Variants in CAPG observed in about 807,000 individuals in gnomAD.
CAPG encodes the protein capping actin protein, gelsolin like.
A neutral mutation model predicts 44.6 loss-of-function variants in CAPG; 32 were observed. The ratio of observed to expected loss-of-function variants is 0.72; its 90% CI spans 0.54 to 0.96. The LOEUF is 0.96. CAPG is among the 50% of genes least tolerant of loss of function. The pLI is 0.00. For synonymous variants in CAPG, 175 were observed against 179.6 expected (o/e 0.97, Z 0.20); for missense variants, 412 against 438.3 (o/e 0.94, Z 0.54).
intron 1 of CAPG, among the ~76,000 whole-genome samples, chr2:85,405,370 C>T (rs1197368923): frequency 6.6e-6 from 1 of 152,134 alleles, no homozygotes; most frequent in African/African-American, 2.4e-5. Context: ...GCACTTCGTA[C>T]ATAATACAAT....
At position 85,403,355 on chromosome 2, in the gene CAPG, A is replaced by G. The variant is rs1156386984; in HGVS notation, c.-13-1197T>C. 5.3e-5 allele frequency among the ~76,000 whole-genome samples: 8 copies of G among 152,322 alleles called. No homozygotes were observed. The South Asian group carries it at 1.7e-3, about 32-fold the overall frequency. On this transcript the variant is annotated intron_variant, in intron 1 of 9. Transcript: ENST00000263867. The stretch of plus-strand genomic sequence containing the variant: ...CTATTAAAGAAAATAAATTTGTAGT[A>G]AAAAACTCGTTCCCCCGCCAAAAAA...
rs747959033 is a variant in CAPG, at chr2:85,402,121, AC to A, written c.23+1del. The A allele has an allele frequency of 5.0e-6, 8 of 1,608,390 alleles. No individual in the cohort carries two copies. Among genetic ancestry groups the A allele is most frequent in the Non-Finnish European group, 6.8e-6 (8 of 1,177,020 alleles). Reference sequence around the variant, plus strand: ...TGAAAGGAGATGGGGCATGCAGCTTACCTCTGGGGAATGGCTGTGTACATGC... The same window carrying A: ...TGAAAGGAGATGGGGCATGCAGCTTACTCTGGGGAATGGCTGTGTACATGC... On this transcript the variant is annotated splice_donor_variant, in intron 2 of 9. Transcript: ENST00000263867. LOFTEE classifies it high-confidence loss of function.
At chr2:85,402,085 A>C in intron 2 of CAPG, 38 bp downstream of exon 2, 2 of 1,611,420 alleles carry the variant, frequency 1.2e-6, no homozygotes, top group East Asian at 2.2e-5. Context: ...GAGGTAAAGA[A>C]GGGGAAGTTG....
intron 5 of CAPG, among the ~76,000 whole-genome samples, chr2:85,400,083 C>CCTATGTCTCCTAT: frequency 6.6e-6 from 1 of 152,290 alleles, no homozygotes; most frequent in South Asian, 2.1e-4. Flanking sequence ...TATGTTTAAA[C>CCTATGTCTCCTAT]GTCTCTTAAC....
intron 1 of CAPG, among the ~76,000 whole-genome samples, chr2:85,402,793 CAG>C (rs1686965570): frequency 7.1e-6 from 1 of 141,526 alleles, no homozygotes; most frequent in African/African-American, 2.7e-5. Flanking sequence ...TTTTTGGAGA[CAG>C]AGTCTCACTC....
intron 8 of CAPG, 89 bp downstream of exon 8, chr2:85,397,931 C>G (rs1319200470): frequency 7.5e-7 from 1 of 1,327,336 alleles, no homozygotes; most frequent in Non-Finnish European, 1.1e-6. Context: ...CTTTTACAAG[C>G]AGCTAGACAG....
In CAPG at chr2:85,395,562, G is replaced by A; in HGVS notation, c.957C>T (p.Arg319=). 1 of 1,613,840 alleles carries A rather than the reference G, an allele frequency of 6.2e-7. No individual in the cohort carries two copies. The highest frequency in any genetic ancestry group is 8.5e-7 in the Non-Finnish European group (1 of 1,179,862). The change falls in exon 9 of 10, where the codon CGC becomes CGT. Residue 319 remains arginine, a synonymous_variant. Coordinates refer to ENST00000263867, the MANE Select transcript of CAPG (RefSeq NM_001747.4). This position sits in a 1 kb window ranked among gnomAD's most constrained non-coding sequence, Gnocchi z 4.3. ...CCTGAGTGTTCGGGGCGTACTGCAT[G>A]CGCGAGATGAAGCCCTCGGCCACCT... ...ALQVAEGFIS[R]MQYAPNTQVE...
chr2:85,398,514 C>T (rs1392247851), intron 7 of CAPG, among the ~76,000 whole-genome samples, 176 bp downstream of exon 7: 2 of 152,316 alleles, frequency 1.3e-5, no homozygotes, highest in Middle Eastern at 6.8e-3. Context: ...GCCTGCCTTC[C>T]GCCCACTCCC....
chr2:85,412,241 G>A (rs189750681), upstream of CAPG, among the ~76,000 whole-genome samples: 1,336 of 152,164 alleles, frequency 8.8e-3, 9 homozygotes, highest in Non-Finnish European at 0.014. Context: ...GGCCGGGCGC[G>A]GTGGCTCACG....
At position 85,401,838 on chromosome 2, in the gene CAPG, T is replaced by C; in HGVS notation, c.143A>G (p.Tyr48Cys). 1.9e-6 allele frequency: 3 copies of C among 1,613,722 alleles called. No individual in the cohort carries two copies. Among genetic ancestry groups the C allele is most frequent in the Non-Finnish European group, 2.5e-6 (3 of 1,179,928 alleles). Residue 48 changes from tyrosine to cysteine, a missense_variant, in exon 3 of 10, where the codon TAC (tyrosine) becomes TGC (cysteine). By Grantham distance (194) the Tyr-to-Cys change is radical. Transcript: ENST00000263867. ...TTCTGGGCCATTGTGCAGCACTAGG[T>C]AGGAGTCCCCCGAGAAGAAGACGCC... ...NQGVFFSGDS[Y>C]LVLHNGPEEV...
rs755895658 is a variant in CAPG, at chr2:85,395,559, C to CAT, written c.958_959dup (p.Met320IlefsTer66). ...TCACCTGAGTGTTCGGGGCGTACTG[C>CAT]ATGCGCGAGATGAAGCCCTCGGCCA... is the stretch of plus-strand genomic sequence containing the variant. On this transcript the variant is annotated frameshift_variant, in exon 9 of 10. Coordinates refer to ENST00000263867, the MANE Select transcript of CAPG (RefSeq NM_001747.4). LOFTEE classifies it high-confidence loss of function. This position sits in a 1 kb window ranked among gnomAD's most constrained non-coding sequence, Gnocchi z 4.3. 2.0e-5 allele frequency: 33 copies of CAT among 1,613,902 alleles called. No homozygotes were observed. The South Asian group carries it at 3.3e-4, about 16-fold the overall frequency.
intron 4 of CAPG, 58 bp from the exon 5 acceptor site, chr2:85,401,387 C>A: frequency 6.3e-7 from 1 of 1,586,150 alleles, no homozygotes; most frequent in Non-Finnish European, 8.6e-7. Flanking sequence ...CCCTCTGCAC[C>A]CCATCCCACT....
At chr2:85,393,368 A>C (rs1686456517), downstream of CAPG, among the ~76,000 whole-genome samples, 1 of 152,010 alleles carries the variant, frequency 6.6e-6, no homozygotes, top group African/African-American at 2.4e-5. Flanking sequence ...ATTTATAGGG[A>C]AAGGGGCTAG....
chr2:85,405,424 C>T (rs1269560300), intron 1 of CAPG, among the ~76,000 whole-genome samples: 1 of 151,832 alleles, frequency 6.6e-6, no homozygotes, highest in Non-Finnish European at 1.5e-5. Context: ...TAAGATGAGC[C>T]CCAGTGGCAC....
intron 1 of CAPG, among the ~76,000 whole-genome samples, chr2:85,417,911 T>A (rs1365727354): frequency 6.6e-6 from 1 of 152,092 alleles, no homozygotes; most frequent in East Asian, 1.9e-4. Flanking sequence ...ACACCCCTCC[T>A]CCTCACCCCC....
chr2:85,407,637 T>G (rs1168789842), intron 1 of CAPG, among the ~76,000 whole-genome samples: 2 of 140,520 alleles, frequency 1.4e-5, no homozygotes, highest in African/African-American at 5.4e-5. Context: ...TGCTTGAACC[T>G]GGGAGGTGGA....
Position 85,401,152 on chromosome 2 carries a change from C to G in CAPG, c.516+13G>C, listed in dbSNP as rs1297419918. 10 of 1,612,320 alleles carry G rather than the reference C, an allele frequency of 6.2e-6. No individual in the cohort carries two copies. Among genetic ancestry groups the G allele is most frequent in the Non-Finnish European group, 4.2e-6 (5 of 1,178,774 alleles). ...TGCCAATACGGAGTGCTCAGTCTGG[C>G]CAGCCTACCCACCTGGCCCAGGTCC... On this transcript the variant is annotated intron_variant, in intron 5 of 9. Coordinates refer to ENST00000263867, the MANE Select transcript of CAPG (RefSeq NM_001747.4).
At chr2:85,413,447 G>C (rs537936409), upstream of CAPG, among the ~76,000 whole-genome samples, 1 of 152,222 alleles carries the variant, frequency 6.6e-6, no homozygotes, top group African/African-American at 2.4e-5. Flanking sequence ...GGGCGTGGTG[G>C]CGGGCGCCTA....
chr2:85,414,112 C>G (rs1289187203), upstream of CAPG: 2 of 152,284 alleles, frequency 1.3e-5, no homozygotes, highest in African/African-American at 4.8e-5. Context: ...TGGCGGGGAG[C>G]CCCTATGGGA....
Sources: allele counts gnomAD v4.1 joint callset (sites outside exome capture counted in the v4.1 genomes callset), GRCh38; gene constraint gnomAD v4.1.1; non-coding constraint Gnocchi (gnomAD v3.1); transcripts MANE v1.5; gene names NCBI Gene and HGNC (gene_info 2026-07-23, HGNC 2026-07-21).